The following KAT2B variants were observed in gnomAD, a reference collection of about 807,000 sequenced individuals.
KAT2B encodes the protein histone acetyltransferase KAT2B.
KAT2B carries 36 observed loss-of-function variants against 105.9 expected under a neutral mutation model. The observed-to-expected ratio is 0.34, with a 90% CI of 0.26 to 0.45. The LOEUF is 0.45. Among genes scored for constraint, KAT2B ranks in the 20% least tolerant of loss-of-function variants. KAT2B has a pLI of 1.00. For missense variants in KAT2B, 820 were observed against 1,021.6 expected (o/e 0.80, Z 2.69); for synonymous variants, 397 against 377.9 (o/e 1.05, Z -0.59).
chr3:20,115,430 G>A (rs1699188118), intron 7 of KAT2B, among the ~76,000 whole-genome samples: 1 of 152,172 alleles, frequency 6.6e-6, no homozygotes, highest in African/African-American at 2.4e-5. Flanking sequence ...ACACTAGGAA[G>A]ACTCCATGGA....
intron 6 of KAT2B, among the ~76,000 whole-genome samples, chr3:20,114,300 A>T (rs189630099): frequency 1.3e-5 from 2 of 152,252 alleles, no homozygotes; most frequent in East Asian, 3.9e-4. Flanking sequence ...TCTGTGCCCT[A>T]GTTTCTTCAT....
intron 1 of KAT2B, among the ~76,000 whole-genome samples, chr3:20,048,111 A>G (rs1040827559): frequency 4.6e-5 from 7 of 152,188 alleles, no homozygotes; most frequent in African/African-American, 1.7e-4. Flanking sequence ...ATTGCATACA[A>G]TTGTATCCTG....
chr3:20,111,517 C>T (rs183346823), intron 5 of KAT2B, 79 bp from the exon 6 acceptor site: 28 of 1,164,774 alleles, frequency 2.4e-5, no homozygotes, highest in East Asian at 7.4e-5. Context: ...GTTAATAGTA[C>T]GAGATAAACA....
At chr3:20,047,205 G>T (rs932110862) in intron 1 of KAT2B, among the ~76,000 whole-genome samples, 1 of 151,354 alleles carries the variant, frequency 6.6e-6, no homozygotes, top group Admixed American at 6.6e-5. Flanking sequence ...TTGGCCAGGC[G>T]CACGTCACCA....
At chr3:20,114,717 A>G (rs950812645) in intron 6 of KAT2B, among the ~76,000 whole-genome samples, 165 bp from the exon 7 acceptor site, 1 of 152,198 alleles carries the variant, frequency 6.6e-6, no homozygotes, top group African/African-American at 2.4e-5. Context: ...GTATTTGAAT[A>G]TACCAGGGCT....
At chr3:20,059,043 G>T (rs1472188388) in intron 1 of KAT2B, among the ~76,000 whole-genome samples, 1 of 152,136 alleles carries the variant, frequency 6.6e-6, no homozygotes, top group African/African-American at 2.4e-5. Flanking sequence ...AATTCAAACT[G>T]CTCATTTCCA....
intron 7 of KAT2B, 62 bp downstream of exon 7, chr3:20,115,050 C>T: frequency 2.1e-6 from 2 of 949,932 alleles, no homozygotes; most frequent in Non-Finnish European, 3.4e-6. Flanking sequence ...GTGTAAGTTG[C>T]AGTTCACTGC....
chr3:20,134,067 T>C (rs970870091), intron 11 of KAT2B, among the ~76,000 whole-genome samples: 1 of 152,206 alleles, frequency 6.6e-6, no homozygotes, highest in Admixed American at 6.5e-5. Flanking sequence ...TATGGTATCT[T>C]TGATTACTTA....
At chr3:20,126,944 G>C (rs945002303) in intron 10 of KAT2B, among the ~76,000 whole-genome samples, 16 of 152,122 alleles carry the variant, frequency 1.1e-4, no homozygotes, top group Non-Finnish European at 2.1e-4. Flanking sequence ...ACAATTCAGA[G>C]TGATGCTTTA....
In KAT2B at chr3:20,152,347, G is replaced by C. The variant is rs746722217; in HGVS notation, c.2321G>C (p.Ser774Thr). The C allele has an allele frequency of 1.9e-5, 30 of 1,612,518 alleles. No individual in the cohort carries two copies. The highest frequency in any genetic ancestry group is 2.5e-5 in the Non-Finnish European group (29 of 1,179,180). The change falls in exon 18 of 18, where the codon AGT becomes ACT. Residue 774 changes from serine to threonine, a missense_variant. Around this residue, in one of 6 missense-constraint regions of KAT2B, gnomAD observed 227 missense variants for 292.9 expected, o/e 0.77. Transcript: ENST00000263754. ...IRFPMDLKTM[S>T]ERLKNRYYVS... ...TCCTGTGCAGATCTGAAAACCATGAGTGAACGCCTCAAGAATAGGTACTAC... is the reference window on the plus strand; with the variant it reads ...TCCTGTGCAGATCTGAAAACCATGACTGAACGCCTCAAGAATAGGTACTAC...
intron 11 of KAT2B, among the ~76,000 whole-genome samples, chr3:20,127,889 G>A (rs553843143): frequency 1.1e-4 from 16 of 152,328 alleles, no homozygotes; most frequent in Admixed American, 2.6e-4. Context: ...GCACTCCTAT[G>A]AGAGTCTAGT....
At chr3:20,110,630 A>T (rs1467216307) in intron 5 of KAT2B, among the ~76,000 whole-genome samples, 1 of 146,396 alleles carries the variant, frequency 6.8e-6, no homozygotes, top group Non-Finnish European at 1.5e-5. Flanking sequence ...CCGAGATTGT[A>T]CCACTGCACT....
chr3:20,097,530 AT>A (rs1246885823), intron 3 of KAT2B, among the ~76,000 whole-genome samples: 4 of 126,250 alleles, frequency 3.2e-5, no homozygotes, highest in South Asian at 2.8e-4. Context: ...AATGATTAAA[AT>A]TTTTTTTTAA....
chr3:20,044,691 C>T (rs761033567), intron 1 of KAT2B, among the ~76,000 whole-genome samples: 5 of 152,158 alleles, frequency 3.3e-5, no homozygotes, highest in African/African-American at 1.2e-4. Flanking sequence ...CTATAGAACT[C>T]AGATTCCTTG....
chr3:20,097,870 G>A (rs1164666720), intron 3 of KAT2B, among the ~76,000 whole-genome samples: 1 of 151,644 alleles, frequency 6.6e-6, no homozygotes, highest in African/African-American at 2.4e-5. Context: ...GAGAAAGGCA[G>A]TTCCTGTGTC....
In KAT2B at chr3:20,152,890, A is replaced by G. The variant is rs1329588870; in HGVS notation, c.*365A>G. ...AATCCATAACATTTTCAGACCATGA[A>G]TGAATGTTTCCATTTTTTTCTAATG... On this transcript the variant is annotated 3_prime_UTR_variant, in exon 18 of 18. Transcript: ENST00000263754. 2 of 157,560 alleles carry G rather than the reference A, an allele frequency of 1.3e-5. No homozygotes were observed. 9.8% of individuals were successfully genotyped at this position (157,560 alleles called of 1,614,324 possible).
chr3:20,060,327 C>T (rs1233292044), intron 1 of KAT2B, among the ~76,000 whole-genome samples: 1 of 152,212 alleles, frequency 6.6e-6, no homozygotes, highest in Non-Finnish European at 1.5e-5. Flanking sequence ...GTGGGCTGGG[C>T]ATGGTGGCTC....
chr3:20,114,346 G>A (rs1241763247), intron 6 of KAT2B, among the ~76,000 whole-genome samples: 1 of 152,114 alleles, frequency 6.6e-6, no homozygotes. Context: ...TCATAGGGTC[G>A]TTATAAAGAT....
intron 14 of KAT2B, among the ~76,000 whole-genome samples, chr3:20,146,919 C>T (rs529498951): frequency 1.3e-3 from 203 of 152,256 alleles, no homozygotes; most frequent in African/African-American, 4.7e-3. Flanking sequence ...GACTAGTCTC[C>T]CCAAACTTCT....
Sources: allele counts gnomAD v4.1 joint callset (sites outside exome capture counted in the v4.1 genomes callset), GRCh38; gene constraint gnomAD v4.1.1; regional missense constraint gnomAD v4.1.1; transcripts MANE v1.5; gene names NCBI Gene and HGNC (gene_info 2026-07-23, HGNC 2026-07-21).